MAGI2: variants seen among roughly 807,000 people sequenced by gnomAD.
The protein encoded by MAGI2 is membrane-associated guanylate kinase, WW and PDZ domain-containing protein 2.
Under a neutral mutation model 133.3 loss-of-function variants are expected in MAGI2, and 35 were observed. The observed-to-expected ratio is 0.26, with a 90% confidence interval of 0.20 to 0.35. MAGI2 has a LOEUF of 0.35. MAGI2 is among the 10% of genes least tolerant of loss of function. MAGI2 has a pLI of 1.00. For missense variants in MAGI2, 1,636 were observed against 1,863.4 expected, an observed-to-expected ratio of 0.88 and a Z score of 2.25; for synonymous variants, 729 against 710.6, an observed-to-expected ratio of 1.03 and a Z score of -0.41.
chr7:79,111,248 A>C (rs768515692), intron 1 of MAGI2, among the ~76,000 whole-genome samples: 1 of 152,180 alleles, frequency 6.6e-6, no homozygotes, highest in East Asian at 1.9e-4. Flanking sequence ...CAAAATATCT[A>C]TCTCTTATTA....
intron 2 of MAGI2, among the ~76,000 whole-genome samples, chr7:78,752,368 C>T (rs556258316): frequency 2.4e-4 from 37 of 151,984 alleles, no homozygotes; most frequent in Non-Finnish European, 4.6e-4. Context: ...TTTGGGAGGC[C>T]GAGGTAGGTG....
intron 1 of MAGI2, among the ~76,000 whole-genome samples, chr7:79,055,129 T>G (rs928151929): frequency 2.0e-5 from 3 of 152,324 alleles, no homozygotes; most frequent in African/African-American, 7.2e-5. Context: ...CCAGCTGAAC[T>G]GGACTACACG....
In MAGI2 at chr7:78,173,072, A is replaced by G. The variant is rs139260532; in HGVS notation, c.2403+4939T>C. On this transcript the variant is annotated intron_variant, in intron 14 of 21. Coordinates refer to ENST00000354212, the MANE Select transcript of MAGI2 (RefSeq NM_012301.4). ...ACCGGAATAAATCTAAGTAAACACAACAGGATAACCAGCAATCCATGTAAT... is the reference window on the plus strand; with the variant it reads ...ACCGGAATAAATCTAAGTAAACACAGCAGGATAACCAGCAATCCATGTAAT... 1.3e-4 allele frequency among the ~76,000 whole-genome samples: 20 copies of G among 152,362 alleles called. No homozygotes were observed. In the East Asian group the frequency reaches 3.7e-3, roughly 28 times the overall value.
chr7:79,391,528 TATATATATAG>T (rs1563180584), intron 1 of MAGI2, among the ~76,000 whole-genome samples: 38 of 91,238 alleles, frequency 4.2e-4, no homozygotes, highest in African/African-American at 1.5e-3. Flanking sequence ...TATATATATA[TATATATATAG>T]ACATATATAT....
chr7:79,033,430 A>T (rs10237768), intron 1 of MAGI2, among the ~76,000 whole-genome samples: 18,112 of 152,204 alleles, frequency 0.12, 1,550 homozygotes, highest in African/African-American at 0.25. Flanking sequence ...AAAATATTTC[A>T]GAATAAACAT....
intron 2 of MAGI2, among the ~76,000 whole-genome samples, chr7:78,693,957 G>A (rs984912875): frequency 6.6e-6 from 1 of 152,128 alleles, no homozygotes; most frequent in Admixed American, 6.5e-5. Flanking sequence ...AGCTGCCATA[G>A]TTCCAAGCAC....
intron 2 of MAGI2, among the ~76,000 whole-genome samples, chr7:78,952,737 T>TG (rs1801972368): frequency 6.6e-6 from 1 of 152,166 alleles, no homozygotes; most frequent in Admixed American, 6.6e-5. Flanking sequence ...GACTTTTAGA[T>TG]GGATTTAGAA....
chr7:78,271,391 C>T (rs13247951), intron 9 of MAGI2, among the ~76,000 whole-genome samples: 32,346 of 152,012 alleles, frequency 0.21, 3,661 homozygotes, highest in South Asian at 0.31. Flanking sequence ...TTGAGGTTCA[C>T]CAGGGATATT....
At chr7:78,652,922 T>G (rs1220940241) in intron 2 of MAGI2, among the ~76,000 whole-genome samples, 1 of 151,556 alleles carries the variant, frequency 6.6e-6, no homozygotes, top group Non-Finnish European at 1.5e-5. Context: ...TACAAAGAAC[T>G]TAAACAAATT....
At chr7:78,198,063 G>T (rs3779276) in intron 11 of MAGI2, among the ~76,000 whole-genome samples, 50,453 of 152,066 alleles carry the variant, frequency 0.33, 9,313 homozygotes, top group Non-Finnish European at 0.42. Context: ...TGATCCTGTC[G>T]CCTTACTGAG....
intron 3 of MAGI2, among the ~76,000 whole-genome samples, chr7:78,576,160 CA>C (rs1406660812): frequency 1.3e-5 from 2 of 150,648 alleles, no homozygotes; most frequent in African/African-American, 4.9e-5. Flanking sequence ...TGAAAAACAA[CA>C]AAAACAACAA....
intron 1 of MAGI2, among the ~76,000 whole-genome samples, chr7:79,214,440 TATAA>T (rs1206137593): frequency 3.3e-5 from 4 of 121,328 alleles, no homozygotes; most frequent in East Asian, 2.4e-4. Flanking sequence ...TATATATATA[TATAA>T]ATATGCACAC....
At chr7:78,972,462 T>G (rs1026399389) in intron 2 of MAGI2, among the ~76,000 whole-genome samples, 1 of 151,894 alleles carries the variant, frequency 6.6e-6, no homozygotes, top group African/African-American at 2.4e-5. Context: ...ATGTTCTAAT[T>G]GTGAAACTAA....
chr7:78,696,508 C>T (rs1369909274), intron 2 of MAGI2, among the ~76,000 whole-genome samples: 1 of 152,062 alleles, frequency 6.6e-6, no homozygotes, highest in Non-Finnish European at 1.5e-5. Flanking sequence ...GTATGTGCCA[C>T]AATTGCTTTT....
At chr7:78,122,033 G>C (rs1458748101) in intron 20 of MAGI2, among the ~76,000 whole-genome samples, 1 of 152,106 alleles carries the variant, frequency 6.6e-6, no homozygotes, top group East Asian at 1.9e-4. Flanking sequence ...AGTTCACAAA[G>C]TGCACCAAGC....
intron 1 of MAGI2, among the ~76,000 whole-genome samples, chr7:79,228,460 G>T (rs1831072062): frequency 6.8e-6 from 1 of 147,780 alleles, no homozygotes; most frequent in Non-Finnish European, 1.5e-5. Flanking sequence ...AAATACAAAA[G>T]CTACCCTACA....
chr7:78,178,667 GAT>G (rs1169686717), intron 13 of MAGI2, among the ~76,000 whole-genome samples: 1 of 151,842 alleles, frequency 6.6e-6, no homozygotes, highest in African/African-American at 2.4e-5. Flanking sequence ...AAAATTAGAA[GAT>G]ATAGAATTTA....
At chr7:79,419,688 C>G (rs1846798975) in intron 1 of MAGI2, among the ~76,000 whole-genome samples, 1 of 151,890 alleles carries the variant, frequency 6.6e-6, no homozygotes, top group South Asian at 2.1e-4. Flanking sequence ...TATTAAAAGC[C>G]AACATATTAC....
intron 6 of MAGI2, among the ~76,000 whole-genome samples, chr7:78,436,587 G>C (rs1040560399): frequency 7.2e-5 from 11 of 152,088 alleles, no homozygotes; most frequent in African/African-American, 2.7e-4. Context: ...ACCTAGAAAA[G>C]TTTCCTGCCT....
Sources: allele counts gnomAD v4.1 joint callset (sites outside exome capture counted in the v4.1 genomes callset), GRCh38; gene constraint gnomAD v4.1.1; transcripts MANE v1.5; gene names NCBI Gene and HGNC (gene_info 2026-07-23, HGNC 2026-07-21).